Variants in EYS observed in about 807,000 individuals in gnomAD.
EYS encodes protein eyes shut homolog.
EYS carries 250 observed loss-of-function variants against 282.1 expected under a neutral mutation model. The ratio of observed to expected loss-of-function variants is 0.89; its 90% CI spans 0.80 to 0.98. The LOEUF (loss-of-function observed/expected upper bound fraction) is 0.98, where lower values mean the gene tolerates loss of function less well. Among genes scored for constraint, EYS ranks in the 50% least tolerant of loss-of-function variants. The pLI is 0.00. For synonymous variants in EYS, 1,355 were observed against 1,282.9 expected, an observed-to-expected ratio of 1.06 and a Z score of -1.20; for missense variants, 4,016 against 3,709.0, an observed-to-expected ratio of 1.08 and a Z score of -2.15.
intron 31 of EYS, among the ~76,000 whole-genome samples, chr6:64,201,019 T>C (rs1385564528): frequency 6.6e-6 from 1 of 152,160 alleles, no homozygotes; most frequent in Non-Finnish European, 1.5e-5. Context: ...TCTGGAATTT[T>C]CTGGGGTCTG....
At chr6:65,129,853 C>CACCT (rs1252275596) in intron 12 of EYS, among the ~76,000 whole-genome samples, 2 of 151,846 alleles carry the variant, frequency 1.3e-5, no homozygotes, top group African/African-American at 4.8e-5. Flanking sequence ...AAGACACATG[C>CACCT]ACCTGTATGT....
At chr6:65,666,582 G>A (rs1275574770) in intron 1 of EYS, among the ~76,000 whole-genome samples, 1 of 151,764 alleles carries the variant, frequency 6.6e-6, no homozygotes, top group African/African-American at 2.4e-5. Flanking sequence ...AGCTGTGGTT[G>A]TCAATTCTAA....
chr6:64,944,634 C>G lies in EYS; in HGVS notation c.2381+1159G>C, dbSNP rs139269007. ...AAGACCTGACCGTCCCCCAGCCCAA[C>G]ACCCTTAAAGGGTCTGTGCTGAGGA... is the stretch of plus-strand genomic sequence containing the variant. On this transcript the variant is annotated intron_variant, in intron 15 of 42. Transcript: ENST00000503581. 9.0e-3 allele frequency among the ~76,000 whole-genome samples: 1,371 copies of G among 152,178 alleles called. 23 individuals are homozygous for G. The highest frequency in any genetic ancestry group is 0.028 in the African/African-American group (1,161 of 41,552).
rs898716944 is a variant in EYS at position 64,856,295 on chromosome 6, AT to A, written c.2992+30401del. On this transcript the variant is annotated intron_variant, in intron 19 of 42. Coordinates refer to ENST00000503581, the MANE Select transcript of EYS (RefSeq NM_001142800.2). ...TTTGGTATCATTTGGTATCAAAAAA[AT>A]ATCATTGGTATTTTTTTTTCCCAGA... Among the ~76,000 whole-genome samples, 11 of 152,142 alleles carry A rather than the reference AT, an allele frequency of 7.2e-5. No individual in the cohort carries two copies. The South Asian group carries it at 1.0e-3, about 14-fold the overall frequency.
chr6:65,211,741 A>G (rs1257828477), intron 12 of EYS, among the ~76,000 whole-genome samples: 2 of 151,548 alleles, frequency 1.3e-5, no homozygotes, highest in Non-Finnish European at 3.0e-5. Context: ...GGAGGGGCAG[A>G]AAAAAAAGCC....
intron 11 of EYS, among the ~76,000 whole-genome samples, chr6:65,321,911 G>C (rs978720885): frequency 3.9e-5 from 6 of 152,114 alleles, no homozygotes; most frequent in African/African-American, 1.4e-4. Flanking sequence ...ATTTCTTTAG[G>C]GTGGGAGAAT....
At chr6:65,595,888 T>C (rs568496429) in intron 2 of EYS, among the ~76,000 whole-genome samples, 27 of 152,210 alleles carry the variant, frequency 1.8e-4, no homozygotes, top group African/African-American at 5.3e-4. Flanking sequence ...TAATGGGATA[T>C]TACTTTTGAG....
intron 22 of EYS, among the ~76,000 whole-genome samples, chr6:64,708,830 T>G (rs1419999657): frequency 6.6e-6 from 1 of 152,146 alleles, no homozygotes; most frequent in African/African-American, 2.4e-5. Context: ...CCATGAAAAA[T>G]CAAGTCCATT....
At chr6:63,758,989 AG>A (rs767378178) in intron 41 of EYS, among the ~76,000 whole-genome samples, 14 of 152,090 alleles carry the variant, frequency 9.2e-5, no homozygotes, top group Admixed American at 2.6e-4. Context: ...AACGGGGGGC[AG>A]GGTATTTATG....
chr6:64,085,333 T>TGC (rs753577559), intron 31 of EYS, among the ~76,000 whole-genome samples: 5,825 of 130,132 alleles, frequency 0.045, 164 homozygotes, highest in Non-Finnish European at 0.061. Context: ...CGTGCGCACG[T>TGC]GCGCGCGCAC....
chr6:64,958,855 TGGTAAGAGG>T, intron 14 of EYS, among the ~76,000 whole-genome samples: 2 of 151,726 alleles, frequency 1.3e-5, no homozygotes, highest in Non-Finnish European at 2.9e-5. Context: ...TCTTGGCAAT[TGGTAAGAGG>T]AATTCTGGAA....
intron 22 of EYS, among the ~76,000 whole-genome samples, chr6:64,786,184 CTA>C (rs767133243): frequency 2.0e-5 from 1 of 51,190 alleles, no homozygotes; most frequent in East Asian, 7.7e-4. Context: ...TTTACTGGTT[CTA>C]CATTTTTTTT....
At chr6:64,421,491 T>C (rs1412539145) in intron 28 of EYS, among the ~76,000 whole-genome samples, 2 of 152,130 alleles carry the variant, frequency 1.3e-5, no homozygotes, top group Non-Finnish European at 2.9e-5. Context: ...ACTCTTAAAT[T>C]ATCAAGCAGA....
chr6:64,939,178 C>T (rs1384288611), intron 15 of EYS, among the ~76,000 whole-genome samples: 2 of 151,686 alleles, frequency 1.3e-5, no homozygotes, highest in African/African-American at 2.4e-5. Flanking sequence ...ATATAATGTT[C>T]ATATTAATAC....
rs1050150443 is a variant in EYS, at chr6:64,498,144, T to C, written c.5645-58792A>G. 3.3e-5 allele frequency among the ~76,000 whole-genome samples: 5 copies of C among 152,318 alleles called. No homozygotes were observed. In the East Asian group the frequency reaches 9.7e-4, roughly 29 times the overall value. ...AGAGCATCAATCAGTATATTTCATATAAATAGCTATTGTTAGTATCCTTTA... is the reference window on the plus strand; with the variant it reads ...AGAGCATCAATCAGTATATTTCATACAAATAGCTATTGTTAGTATCCTTTA... On this transcript the variant is annotated intron_variant, in intron 26 of 42. Coordinates refer to ENST00000503581, the MANE Select transcript of EYS (RefSeq NM_001142800.2).
chr6:65,439,946 A>C (rs1768244897), intron 5 of EYS, among the ~76,000 whole-genome samples: 1 of 152,112 alleles, frequency 6.6e-6, no homozygotes, highest in African/African-American at 2.4e-5. Flanking sequence ...ACCAAAGATA[A>C]AAGGTGACAG....
At chr6:65,244,002 A>T (rs989774062) in intron 12 of EYS, among the ~76,000 whole-genome samples, 1 of 152,214 alleles carries the variant, frequency 6.6e-6, no homozygotes, top group African/African-American at 2.4e-5. Flanking sequence ...TTCACTCTTT[A>T]TCATTGTCAT....
chr6:64,457,794 TC>T (rs34974997), intron 26 of EYS, among the ~76,000 whole-genome samples: 55,926 of 148,830 alleles, frequency 0.38, 11,071 homozygotes, highest in African/African-American at 0.54. Context: ...TCATTTTTTT[TC>T]CCCCCCATTT....
intron 26 of EYS, among the ~76,000 whole-genome samples, chr6:64,537,065 G>C (rs1165185078): frequency 2.2e-4 from 33 of 150,676 alleles, no homozygotes; most frequent in African/African-American, 7.8e-4. Flanking sequence ...GTGCAGGTTA[G>C]TTACATATGT....
Sources: allele counts gnomAD v4.1 joint callset (sites outside exome capture counted in the v4.1 genomes callset), GRCh38; gene constraint gnomAD v4.1.1; transcripts MANE v1.5; gene names NCBI Gene and HGNC (gene_info 2026-07-23, HGNC 2026-07-21).